PLIN3: variants seen among roughly 807,000 people sequenced by gnomAD.
PLIN3 encodes perilipin-3.
Under a neutral mutation model 35.9 loss-of-function variants are expected in PLIN3, and 30 were observed. That is an observed-to-expected ratio of 0.84 (90% CI 0.62 to 1.13). The LOEUF (loss-of-function observed/expected upper bound fraction) is 1.13. Ranked by LOEUF, PLIN3 falls within the 50% of genes most tolerant of loss-of-function variation. The pLI is 0.00. For synonymous variants in PLIN3, 261 were observed against 262.5 expected (o/e 0.99, Z 0.06); for missense variants, 603 against 596.9 (o/e 1.01, Z -0.11).
chr19:4,858,048 G>A lies in PLIN3; in HGVS notation c.348+1542C>T, dbSNP rs1168383461. Among the ~76,000 whole-genome samples, 3 of 151,770 alleles carry A rather than the reference G, an allele frequency of 2.0e-5. No individual in the cohort carries two copies. In the East Asian group the frequency reaches 5.9e-4, roughly 30 times the overall value. ...CCAGCACTTTGGGAGGCCGAGGCGG[G>A]AGGATCACGAGGTCAAGAGATTGAG... On this transcript the variant is annotated intron_variant, in intron 4 of 7. Transcript: ENST00000221957.
rs767303691 is a variant in PLIN3, at chr19:4,839,397, T to G, written c.1100A>C (p.Glu367Ala). 1 of 1,611,240 alleles carries G rather than the reference T, an allele frequency of 6.2e-7. No individual in the cohort carries two copies. Among genetic ancestry groups the G allele is most frequent in the East Asian group, 2.2e-5 (1 of 44,778 alleles). ...DQVQQARRQV[E>A]DLQATFSSIH... ...GCTGGAAAACGTGGCCTGGAGGTCC[T>G]CCACCTGGCGGCGGGCCTGCTGCAC... The change falls in exon 8 of 8, where the codon GAG becomes GCG. Residue 367 changes from glutamate to alanine, a missense_variant. Coordinates refer to ENST00000221957, the MANE Select transcript of PLIN3 (RefSeq NM_005817.5).
intron 4 of PLIN3, among the ~76,000 whole-genome samples, chr19:4,854,210 G>T (rs368500857): frequency 6.6e-6 from 1 of 151,950 alleles, no homozygotes; most frequent in Non-Finnish European, 1.5e-5. Context: ...TGGGATGACC[G>T]ACATGAGCCA....
intron 5 of PLIN3, among the ~76,000 whole-genome samples, chr19:4,849,710 T>C (rs752991008): frequency 2.0e-5 from 3 of 152,034 alleles, no homozygotes; most frequent in Non-Finnish European, 2.9e-5. Context: ...TGGAGTGCAA[T>C]GGCATGATCT....
intron 4 of PLIN3, among the ~76,000 whole-genome samples, chr19:4,852,743 C>T (rs921619719): frequency 6.6e-6 from 1 of 151,978 alleles, no homozygotes; most frequent in Non-Finnish European, 1.5e-5. Context: ...CGGGTTCAAG[C>T]AGTTCTCCTG....
intron 6 of PLIN3, among the ~76,000 whole-genome samples, chr19:4,845,494 C>T (rs778379206): frequency 2.6e-5 from 4 of 152,040 alleles, no homozygotes; most frequent in African/African-American, 7.2e-5. Context: ...TCCAAAGGAA[C>T]GAAGCAGGCT....
chr19:4,862,775 G>A (rs2030717234), intron 1 of PLIN3, among the ~76,000 whole-genome samples: 1 of 152,164 alleles, frequency 6.6e-6, no homozygotes, highest in Non-Finnish European at 1.5e-5. Context: ...ACCCACACCT[G>A]TGTTTCCACA....
chr19:4,859,399 G>A (rs1236215495), intron 4 of PLIN3, among the ~76,000 whole-genome samples, 191 bp downstream of exon 4: 1 of 152,144 alleles, frequency 6.6e-6, no homozygotes. Flanking sequence ...GCAGGCGCCT[G>A]TAATCTGGCT....
intron 5 of PLIN3, among the ~76,000 whole-genome samples, chr19:4,850,489 C>T (rs997337470): frequency 2.0e-5 from 3 of 151,348 alleles, no homozygotes; most frequent in Admixed American, 6.6e-5. Context: ...GGCATGATCT[C>T]GGCTCACTGC....
At chr19:4,851,913 C>A in intron 5 of PLIN3, 103 bp downstream of exon 5, 1 of 1,226,042 alleles carries the variant, frequency 8.2e-7, no homozygotes, top group Non-Finnish European at 1.1e-6. Context: ...GTGGCAGGGA[C>A]GAGGCGGCAG....
chr19:4,839,183 C>G lies in PLIN3; in HGVS notation c.*9G>C. ...AGAGACGGGGCCCGCTGAGTCCTCT[C>G]CTCTCCCCCTACTTCTTCTCCTCCG... On this transcript the variant is annotated 3_prime_UTR_variant, in exon 8 of 8. Coordinates refer to ENST00000221957, the MANE Select transcript of PLIN3 (RefSeq NM_005817.5). 6.3e-7 allele frequency: 1 copy of G among 1,591,740 alleles called. No homozygotes were observed. Among genetic ancestry groups the G allele is most frequent in the Non-Finnish European group, 8.6e-7 (1 of 1,164,590 alleles).
chr19:4,863,481 G>A (rs2030742153), intron 1 of PLIN3, among the ~76,000 whole-genome samples: 1 of 134,572 alleles, frequency 7.4e-6, no homozygotes, highest in East Asian at 2.2e-4. Context: ...TGGGCAACAG[G>A]AGCGAAACTC....
chr19:4,841,473 G>T (rs1351960547), intron 7 of PLIN3, among the ~76,000 whole-genome samples: 2 of 152,140 alleles, frequency 1.3e-5, no homozygotes, highest in Admixed American at 1.3e-4. Flanking sequence ...AGTGACTGCT[G>T]ATGGGAAAAG....
Position 4,845,946 on chromosome 19 carries a change from C to A in PLIN3, c.835-1153G>T, listed in dbSNP as rs556940649. Among the ~76,000 whole-genome samples, 410 of 146,670 alleles carry A rather than the reference C, an allele frequency of 2.8e-3. 5 individuals carry two copies. In the South Asian group the frequency reaches 0.033, roughly 12 times the overall value. On this transcript the variant is annotated intron_variant, in intron 6 of 7. Coordinates refer to ENST00000221957, the MANE Select transcript of PLIN3 (RefSeq NM_005817.5). ...GTCTCAAAAAAAAAAAAAAAAAGGC[C>A]GGGCGCGGTGGCTCACGCCTGTAAT...
chr19:4,850,822 C>T (rs891663741), intron 5 of PLIN3, among the ~76,000 whole-genome samples: 26 of 151,366 alleles, frequency 1.7e-4, no homozygotes, highest in African/African-American at 2.4e-4. Flanking sequence ...CTGCCCACCT[C>T]GGCCCACCAA....
intron 4 of PLIN3, among the ~76,000 whole-genome samples, chr19:4,858,675 C>A (rs1231465131): frequency 1.4e-5 from 2 of 146,642 alleles, no homozygotes; most frequent in African/African-American, 5.2e-5. Context: ...AGCCACCGCG[C>A]CTGGCCAGAA....
At chr19:4,845,941 AAGGCCG>A (rs2030079827) in intron 6 of PLIN3, among the ~76,000 whole-genome samples, 1 of 126,692 alleles carries the variant, frequency 7.9e-6, no homozygotes, top group Non-Finnish European at 1.7e-5. Context: ...AAAAAAAAAA[AAGGCCG>A]GGCGCGGTGG....
chr19:4,852,004 G>A lies in PLIN3; in HGVS notation c.634+12C>T, dbSNP rs1438276511. The A allele has an allele frequency of 6.2e-7, 1 of 1,608,318 alleles. No individual in the cohort carries two copies. The highest frequency in any genetic ancestry group is 1.7e-5 in the Admixed American group (1 of 59,794). On this transcript the variant is annotated intron_variant, in intron 5 of 7. Transcript: ENST00000221957. Reference sequence around the variant, plus strand: ...GGGAGGGGTCCCAGAGCAGCCCGCTGGCCACACTTACCCAGTTCGGCATCC... The same window carrying A: ...GGGAGGGGTCCCAGAGCAGCCCGCTAGCCACACTTACCCAGTTCGGCATCC...
rs1391038039 is a variant in PLIN3 at position 4,859,903 on chromosome 19, G to A, written c.188C>T (p.Ala63Val). The A allele has an allele frequency of 6.2e-7, 1 of 1,613,938 alleles. No individual in the cohort carries two copies. Among genetic ancestry groups the A allele is most frequent in the South Asian group, 1.1e-5 (1 of 91,064 alleles). ...CGTGAGGGTCCTCACTCCCTTCTCT[G>A]CTGCGTCGCAGACAGTCTTGATGTG... ...YPHIKTVCDA[A>V]EKGVRTLTAA... Residue 63 changes from alanine to valine, a missense_variant, in exon 3 of 8, where the codon GCA becomes GTA. By Grantham distance (64) the Ala-to-Val change is moderately conservative. Coordinates refer to ENST00000221957, the MANE Select transcript of PLIN3 (RefSeq NM_005817.5).
intron 7 of PLIN3, among the ~76,000 whole-genome samples, chr19:4,843,510 A>AAAAT (rs111319930): frequency 0.28 from 39,346 of 139,188 alleles, 5,709 homozygotes; most frequent in East Asian, 0.37. Flanking sequence ...TCCATCTCAA[A>AAAAT]AAATAAATAA....
Sources: gnomAD v4.1 joint callset for allele counts (sites outside exome capture counted in the v4.1 genomes callset) on GRCh38, gnomAD v4.1.1 for gene constraint, MANE v1.5 for transcripts, NCBI Gene and HGNC (gene_info 2026-07-23, HGNC 2026-07-21) for gene names.